THADA: variants seen among roughly 807,000 people sequenced by gnomAD.
THADA encodes the protein tRNA (32-2'-O)-methyltransferase regulator THADA.
Under a neutral mutation model 219.8 loss-of-function variants are expected in THADA, and 213 were observed. The ratio of observed to expected loss-of-function variants is 0.97; its 90% CI spans 0.87 to 1.09. The LOEUF (loss-of-function observed/expected upper bound fraction) is 1.09. Among genes scored for constraint, THADA ranks in the 50% least tolerant of loss-of-function variants. THADA has a pLI of 0.00. For missense variants in THADA, 2,956 were observed against 2,311.3 expected (o/e 1.28, Z -5.72); for synonymous variants, 1,018 against 828.9 (o/e 1.23, Z -3.92).
intron 29 of THADA, among the ~76,000 whole-genome samples, chr2:43,350,102 C>T (rs865993485): frequency 3.9e-5 from 6 of 151,982 alleles, no homozygotes; most frequent in African/African-American, 1.5e-4. Flanking sequence ...CTTTTTTTCT[C>T]GACTCACTGG....
In THADA at chr2:43,462,871, C is replaced by T. The variant is rs1370779191; in HGVS notation, c.3836+22363G>A. On this transcript the variant is annotated intron_variant, in intron 26 of 37. Coordinates refer to ENST00000405975, the MANE Select transcript of THADA (RefSeq NM_022065.5). ...CAAAATATAAAGGTAAACACTCTCA[C>T]AGAGACTCAATTATTTGGGCAGAGA... Among the ~76,000 whole-genome samples the T allele has an allele frequency of 5.9e-5, 9 of 152,172 alleles. No homozygotes were observed. The South Asian group carries it at 1.9e-3, about 31-fold the overall frequency.
At position 43,566,794 on chromosome 2, in the gene THADA, G is replaced by C; in HGVS notation, c.2215C>G (p.Leu739Val). 1.4e-6 allele frequency: 2 copies of C among 1,435,190 alleles called. No individual in the cohort carries two copies. Among genetic ancestry groups the C allele is most frequent in the Non-Finnish European group, 1.8e-6 (2 of 1,091,542 alleles). The allele number at this position is 1,435,190 out of a possible 1,614,324, so 88.9% of individuals were successfully genotyped here. Reference sequence around the variant, plus strand: ...GATCCAGGAAACAATGCTTCAAAAAGACTGTTACAAATGGATGACATGAAA... The same window carrying C: ...GATCCAGGAAACAATGCTTCAAAAACACTGTTACAAATGGATGACATGAAA... ...KNFMSSICNS[L>V]FEALFPGSSY... Residue 739 changes from leucine (L) to valine (V), a missense_variant, in exon 15 of 38, where the codon CTT (leucine) becomes GTT (valine). Coordinates refer to ENST00000405975, the MANE Select transcript of THADA (RefSeq NM_022065.5).
intron 28 of THADA, among the ~76,000 whole-genome samples, chr2:43,427,834 T>C (rs1678677680): frequency 2.0e-5 from 3 of 149,370 alleles, no homozygotes; most frequent in Admixed American, 6.7e-5. Context: ...CGGGTGCCTG[T>C]AGCCCCAGCT....
Position 43,329,917 on chromosome 2 carries a change from C to T in THADA, c.4344-9377G>A, listed in dbSNP as rs72877383. On this transcript the variant is annotated intron_variant, in intron 30 of 37. Coordinates refer to ENST00000405975, the MANE Select transcript of THADA (RefSeq NM_022065.5). The stretch of plus-strand genomic sequence containing the variant: ...TCGTTATTTGACAATAGATAGTTCC[C>T]GTATCTTCTTAGCACTTTTATGTTT... 6.1e-3 allele frequency among the ~76,000 whole-genome samples: 931 copies of T among 152,284 alleles called. 15 individuals are homozygous for T. Among genetic ancestry groups the T allele is most frequent in the African/African-American group, 0.021 (884 of 41,566 alleles).
At chr2:43,455,447 T>TA (rs1283289993) in intron 26 of THADA, among the ~76,000 whole-genome samples, 2 of 152,096 alleles carry the variant, frequency 1.3e-5, no homozygotes, top group Non-Finnish European at 2.9e-5. Flanking sequence ...GGTATGCCTG[T>TA]AGTACTTCTG....
At chr2:43,270,594 G>T (rs1054192739) in intron 36 of THADA, among the ~76,000 whole-genome samples, 7 of 152,222 alleles carry the variant, frequency 4.6e-5, no homozygotes, top group African/African-American at 1.7e-4. Flanking sequence ...CAAGGCCTCT[G>T]TCACCACAGG....
intron 36 of THADA, among the ~76,000 whole-genome samples, chr2:43,267,137 A>C (rs914677238): frequency 6.6e-6 from 1 of 152,252 alleles, no homozygotes; most frequent in African/African-American, 2.4e-5. Flanking sequence ...GGGATCAGCA[A>C]ACAAACTTAC....
At chr2:43,351,696 C>G (rs1319611505) in intron 29 of THADA, among the ~76,000 whole-genome samples, 2 of 152,186 alleles carry the variant, frequency 1.3e-5, no homozygotes, top group Non-Finnish European at 1.5e-5. Flanking sequence ...AATTCTACCA[C>G]GGTCTTGCTA....
chr2:43,494,683 T>A (rs1308757369), intron 25 of THADA, among the ~76,000 whole-genome samples: 1 of 152,184 alleles, frequency 6.6e-6, no homozygotes, highest in Non-Finnish European at 1.5e-5. Context: ...AAATACTCAA[T>A]AAGACAGCCA....
rs757435613 is a variant in THADA at position 43,571,573 on chromosome 2, C to T, written c.2064+134G>A. The T allele has an allele frequency of 2.5e-5, 20 of 790,032 alleles. No individual in the cohort carries two copies. In the Middle Eastern group the frequency reaches 8.1e-4, roughly 32 times the overall value. 48.9% of individuals were successfully genotyped at this position (790,032 alleles called of 1,614,324 possible). A position where few individuals can be genotyped will look rare whatever the true frequency, so the allele number is the denominator to read the frequency against. ...TGGAATGAGAGAACAGGTCACAGAA[C>T]GGCCGTCATGAACAGATGTGGTAGC... On this transcript the variant is annotated intron_variant, in intron 13 of 37. Transcript: ENST00000405975.
chr2:43,245,141 T>G (rs1376408279), intron 36 of THADA, among the ~76,000 whole-genome samples: 2 of 151,612 alleles, frequency 1.3e-5, no homozygotes, highest in African/African-American at 4.9e-5. Flanking sequence ...CTTCAGCTTA[T>G]TTCACTACTG....
rs192449093 is a variant in THADA, at chr2:43,354,921, T to A, written c.4228-10684A>T. ...CGAGACCTGATGGTTTTACAAGGGG[T>A]TTTTCCCCCTTTTCCTTGGCACTTC... On this transcript the variant is annotated intron_variant, in intron 29 of 37. Transcript: ENST00000405975. 8.4e-4 allele frequency among the ~76,000 whole-genome samples: 128 copies of A among 151,942 alleles called. 2 individuals carry two copies. Among genetic ancestry groups the A allele is most frequent in the African/African-American group, 3.0e-3 (126 of 41,410 alleles).
intron 28 of THADA, among the ~76,000 whole-genome samples, chr2:43,401,500 G>A (rs557975790): frequency 3.9e-5 from 6 of 152,146 alleles, no homozygotes; most frequent in East Asian, 3.9e-4. Flanking sequence ...GGATGGTCTC[G>A]ATCTCCTGAC....
intron 28 of THADA, among the ~76,000 whole-genome samples, chr2:43,415,089 T>A (rs980856285): frequency 2.6e-5 from 4 of 152,234 alleles, no homozygotes; most frequent in African/African-American, 9.6e-5. Flanking sequence ...CCCCAACGTA[T>A]TCTATTTATC....
intron 11 of THADA, 41 bp from the exon 12 acceptor site, chr2:43,573,033 T>C (rs200787632): frequency 1.3e-6 from 2 of 1,493,450 alleles, no homozygotes; most frequent in African/African-American, 1.4e-5. Flanking sequence ...TATTATGCAA[T>C]GACTACTATA....
At chr2:43,239,111 T>C (rs1055731236) in intron 36 of THADA, among the ~76,000 whole-genome samples, 1 of 152,230 alleles carries the variant, frequency 6.6e-6, no homozygotes, top group African/African-American at 2.4e-5. Context: ...GTTGGAAATG[T>C]GATGGATCAG....
intron 30 of THADA, among the ~76,000 whole-genome samples, chr2:43,335,932 C>A (rs1666363600): frequency 6.6e-6 from 1 of 151,836 alleles, no homozygotes; most frequent in Non-Finnish European, 1.5e-5. Flanking sequence ...TCCCATCTTA[C>A]TAAAAATACA....
At position 43,509,141 on chromosome 2, in the gene THADA, C is replaced by A. The variant is rs138023881; in HGVS notation, c.3375-361G>T. On this transcript the variant is annotated intron_variant, in intron 22 of 37. Coordinates refer to ENST00000405975, the MANE Select transcript of THADA (RefSeq NM_022065.5). ...AAAGAGAATATAAGTTTATAGTTTA[C>A]TATAATTTATGTTCTATGTTTATAG... is the stretch of plus-strand genomic sequence containing the variant. Among the ~76,000 whole-genome samples the A allele has an allele frequency of 3.4e-3, 525 of 152,200 alleles. 4 individuals carry two copies. Among genetic ancestry groups the A allele is most frequent in the African/African-American group, 0.012 (517 of 41,510 alleles).
Position 43,508,773 on chromosome 2 carries a change from T to C in THADA, c.3382A>G (p.Asn1128Asp). The C allele has an allele frequency of 1.2e-6, 2 of 1,613,408 alleles. No individual in the cohort carries two copies. The highest frequency in any genetic ancestry group is 1.7e-6 in the Non-Finnish European group (2 of 1,179,582). The change falls in exon 23 of 38, where the codon AAT becomes GAT. Residue 1128 changes from asparagine to aspartate, a missense_variant. Coordinates refer to ENST00000405975, the MANE Select transcript of THADA (RefSeq NM_022065.5). Reference sequence around the variant, plus strand: ...TCTGGCAGCTTTTGCAGACTCACATTTGGGCACCTAAAAGGCATATATAAT... The same window carrying C: ...TCTGGCAGCTTTTGCAGACTCACATCTGGGCACCTAAAAGGCATATATAAT... ...KLTEVLNRCPNVSLQKLPEQW... is the reference protein window; with the variant it reads ...KLTEVLNRCPDVSLQKLPEQW...
Sources: gnomAD v4.1 joint callset for allele counts (sites outside exome capture counted in the v4.1 genomes callset) on GRCh38, gnomAD v4.1.1 for gene constraint, MANE v1.5 for transcripts, NCBI Gene and HGNC (gene_info 2026-07-23, HGNC 2026-07-21) for gene names.